The following KIF1B variants were observed in gnomAD, a reference collection of about 807,000 sequenced individuals.
KIF1B encodes kinesin-like protein KIF1B.
In KIF1B, 76 loss-of-function variants were observed where a neutral mutation model predicts 241.9. The ratio of observed to expected loss-of-function variants is 0.31; its 90% CI spans 0.26 to 0.38. The LOEUF (loss-of-function observed/expected upper bound fraction) is 0.38. KIF1B is among the 10% of genes least tolerant of loss of function. The probability of loss-of-function intolerance (pLI) is 1.00; values close to 1 mark genes in which losing one functional copy is unlikely to be tolerated. For synonymous variants in KIF1B, 750 were observed against 796.7 expected, an observed-to-expected ratio of 0.94 and a Z score of 0.99; for missense variants, 1,622 against 2,271.4, an observed-to-expected ratio of 0.71 and a Z score of 5.81.
chr1:10,283,063 C>T (rs971196880), intron 15 of KIF1B, among the ~76,000 whole-genome samples: 8 of 151,080 alleles, frequency 5.3e-5, no homozygotes, highest in Admixed American at 1.3e-4. Context: ...AAAAATTAGC[C>T]GGGCGTGGTG....
chr1:10,355,163 G>A (rs1483638079), intron 38 of KIF1B, among the ~76,000 whole-genome samples: 2 of 152,110 alleles, frequency 1.3e-5, no homozygotes, highest in African/African-American at 2.4e-5. Flanking sequence ...TTCCTTAGTT[G>A]GAAGTCTCAG....
At chr1:10,342,330 C>G (rs1652428207) in intron 33 of KIF1B, among the ~76,000 whole-genome samples, 162 bp downstream of exon 33, 1 of 152,188 alleles carries the variant, frequency 6.6e-6, no homozygotes, top group African/African-American at 2.4e-5. Flanking sequence ...TTATAGCCAC[C>G]TAATCACTGA....
At chr1:10,277,592 G>A (rs1649185520) in intron 12 of KIF1B, among the ~76,000 whole-genome samples, 1 of 152,106 alleles carries the variant, frequency 6.6e-6, no homozygotes, top group South Asian at 2.1e-4. Flanking sequence ...TCCCCACTTG[G>A]CCTCCTAAAG....
intron 22 of KIF1B, chr1:10,307,725 C>G: frequency 2.9e-6 from 3 of 1,028,850 alleles, no homozygotes; most frequent in Non-Finnish European, 2.3e-6. Context: ...ATTATTATAG[C>G]AAAGTGGGAA....
At chr1:10,315,533 T>C (rs1011717184) in intron 22 of KIF1B, among the ~76,000 whole-genome samples, 1 of 151,520 alleles carries the variant, frequency 6.6e-6, no homozygotes, top group Non-Finnish European at 1.5e-5. Flanking sequence ...GATTCAATAT[T>C]GATTCAATAT....
chr1:10,266,538 C>T (rs965291467), intron 5 of KIF1B, among the ~76,000 whole-genome samples: 1 of 152,200 alleles, frequency 6.6e-6, no homozygotes, highest in Non-Finnish European at 1.5e-5. Flanking sequence ...ACCCTCATCC[C>T]TTCTGGAGGA....
chr1:10,374,794 C>T lies in KIF1B; in HGVS notation c.5097-60C>T. ...CCTAAGTGTGGCGTATTTTGATGGT[C>T]CTCAGCACGATTATTTTCTTTTTGT... is the stretch of plus-strand genomic sequence containing the variant. On this transcript the variant is annotated intron_variant, in intron 46 of 48. Coordinates refer to ENST00000676179, the MANE Select transcript of KIF1B (RefSeq NM_001365951.3). This position sits in a 1 kb window ranked among gnomAD's most constrained non-coding sequence, Gnocchi z 4.3. 4 of 1,513,926 alleles carry T rather than the reference C, an allele frequency of 2.6e-6. No homozygotes were observed. Among genetic ancestry groups the T allele is most frequent in the Non-Finnish European group, 3.7e-6 (4 of 1,090,050 alleles). 93.8% of individuals were successfully genotyped at this position (1,513,926 alleles called of 1,614,324 possible). A position where few individuals can be genotyped will look rare whatever the true frequency, so the allele number is the denominator to read the frequency against.
chr1:10,368,498 G>A lies in KIF1B; in HGVS notation c.4784G>A (p.Arg1595Lys). 6.2e-7 allele frequency: 1 copy of A among 1,614,028 alleles called. No homozygotes were observed. Among genetic ancestry groups the A allele is most frequent in the Non-Finnish European group, 8.5e-7 (1 of 1,179,970 alleles). The part of the protein sequence containing the change: ...CLQLLTHTFN[R>K]EFSQVHGSVS... ...CAACTTCTCACCCACACTTTCAACA[G>A]AGAATTCAGCCAGGTGCACGGCAGC... The change falls in exon 44 of 49, where the codon AGA becomes AAA. Residue 1595 changes from arginine (R) to lysine (K), a missense_variant. Coordinates refer to ENST00000676179, the MANE Select transcript of KIF1B (RefSeq NM_001365951.3).
At chr1:10,263,128 C>T (rs1648241110) in intron 5 of KIF1B, among the ~76,000 whole-genome samples, 1 of 151,796 alleles carries the variant, frequency 6.6e-6, no homozygotes, top group Non-Finnish European at 1.5e-5. Flanking sequence ...ACTAAAAACA[C>T]AAAAAATTAG....
rs142714491 is a variant in KIF1B, at chr1:10,371,220, G to A, written c.4904G>A (p.Cys1635Tyr). The A allele has an allele frequency of 1.9e-6, 3 of 1,613,940 alleles. No homozygotes were observed. In the African/African-American group the frequency reaches 4.0e-5, roughly 22 times the overall value. ...SSATLTPSST[C>Y]PSLVDSRSNS... ...GCCACCCTCACTCCCTCCTCCACCTGTCCCTCTCTGGTAGACTCTAGGAGC... is the reference window on the plus strand; with the variant it reads ...GCCACCCTCACTCCCTCCTCCACCTATCCCTCTCTGGTAGACTCTAGGAGC... Residue 1635 changes from cysteine (C) to tyrosine (Y), a missense_variant, in exon 45 of 49, where the codon TGT becomes TAT. Cys to Tyr is a radical substitution (Grantham distance 194, BLOSUM62 -2). Transcript: ENST00000676179.
At chr1:10,371,389 G>A in intron 45 of KIF1B, 127 bp downstream of exon 45, 1 of 1,163,414 alleles carries the variant, frequency 8.6e-7, no homozygotes, top group Non-Finnish European at 1.2e-6. Context: ...GAAATGTGTG[G>A]GAGCCTTTTT....
chr1:10,330,234 G>A (rs988793746), intron 27 of KIF1B, among the ~76,000 whole-genome samples: 14 of 152,112 alleles, frequency 9.2e-5, no homozygotes, highest in African/African-American at 3.4e-4. Flanking sequence ...GCATTGATTT[G>A]GAGCTAAGGG....
intron 2 of KIF1B, among the ~76,000 whole-genome samples, chr1:10,234,313 T>C (rs1647020891): frequency 6.6e-6 from 1 of 151,816 alleles, no homozygotes; most frequent in South Asian, 2.1e-4. Context: ...GTTCAAGCGA[T>C]TCTCCTGCCT....
chr1:10,321,948 TG>T (rs1557713069), intron 24 of KIF1B, 91 bp downstream of exon 24: 1 of 1,426,956 alleles, frequency 7.0e-7, no homozygotes, highest in Admixed American at 1.8e-5. Context: ...ACCTTTCCTT[TG>T]GGGGAACTCA....
At chr1:10,247,986 A>G (rs1374163978) in intron 2 of KIF1B, among the ~76,000 whole-genome samples, 1 of 152,132 alleles carries the variant, frequency 6.6e-6, no homozygotes, top group African/African-American at 2.4e-5. Flanking sequence ...TGATGCCGCC[A>G]CTGATCTGAC....
intron 22 of KIF1B, among the ~76,000 whole-genome samples, chr1:10,302,931 G>A (rs996771592): frequency 1.3e-5 from 2 of 152,142 alleles, no homozygotes; most frequent in Admixed American, 6.6e-5. Context: ...GATTAGGGAT[G>A]CCAAATAAGC....
At chr1:10,275,309 CCA>C in intron 10 of KIF1B, 117 bp from the exon 11 acceptor site, 2 of 671,250 alleles carry the variant, frequency 3.0e-6, no homozygotes, top group South Asian at 3.2e-5. Flanking sequence ...TGATAAACTT[CCA>C]CAGTGTCGGG....
chr1:10,222,587 C>A (rs1405541481), intron 1 of KIF1B, among the ~76,000 whole-genome samples: 2 of 152,196 alleles, frequency 1.3e-5, no homozygotes, highest in Non-Finnish European at 2.9e-5. Context: ...ACTGAAAGAT[C>A]AATTTGAGTC....
intron 1 of KIF1B, among the ~76,000 whole-genome samples, chr1:10,219,589 C>A (rs1209240576): frequency 6.7e-6 from 1 of 148,592 alleles, no homozygotes; most frequent in Non-Finnish European, 1.5e-5. Flanking sequence ...AACCCCATCT[C>A]TACTAAAAAT....
Sources: allele counts gnomAD v4.1 joint callset (sites outside exome capture counted in the v4.1 genomes callset), GRCh38; gene constraint gnomAD v4.1.1; non-coding constraint Gnocchi (gnomAD v3.1); transcripts MANE v1.5; gene names NCBI Gene and HGNC (gene_info 2026-07-23, HGNC 2026-07-21).